The following MAPRE2 variants were observed in gnomAD, a reference collection of about 807,000 sequenced individuals.
The protein encoded by MAPRE2 is microtubule-associated protein RP/EB family member 2.
In MAPRE2, 13 loss-of-function variants were observed where a neutral mutation model predicts 43.2. The observed-to-expected ratio is 0.30, with a 90% CI of 0.20 to 0.48. MAPRE2 has a LOEUF of 0.48. Among genes scored for constraint, MAPRE2 ranks in the 20% least tolerant of loss-of-function variants. MAPRE2 has a pLI of 0.99. For synonymous variants in MAPRE2, 135 were observed against 148.8 expected, an observed-to-expected ratio of 0.91 and a Z score of 0.68; for missense variants, 161 against 400.2, an observed-to-expected ratio of 0.40 and a Z score of 5.10.
intron 2 of MAPRE2, among the ~76,000 whole-genome samples, chr18:35,084,786 A>G (rs1440050884): frequency 6.6e-6 from 1 of 152,206 alleles, no homozygotes; most frequent in East Asian, 1.9e-4. Flanking sequence ...GCTTCTGACA[A>G]TGTCAGGTAG....
intron 4 of MAPRE2, among the ~76,000 whole-genome samples, chr18:35,103,274 A>G (rs1396214982): frequency 1.3e-5 from 2 of 152,204 alleles, no homozygotes; most frequent in Non-Finnish European, 2.9e-5. Flanking sequence ...ATGAAGAGGA[A>G]TGAACAACTC....
At chr18:35,136,257 G>T (rs1420969465) in intron 6 of MAPRE2, among the ~76,000 whole-genome samples, 1 of 152,180 alleles carries the variant, frequency 6.6e-6, no homozygotes, top group South Asian at 2.1e-4. Flanking sequence ...GCTCCCTGTG[G>T]ATTCTGTCAG....
At chr18:35,076,828 A>C (rs1299984909) in intron 2 of MAPRE2, among the ~76,000 whole-genome samples, 2 of 152,188 alleles carry the variant, frequency 1.3e-5, no homozygotes, top group Non-Finnish European at 2.9e-5. Flanking sequence ...AATGCACCAG[A>C]TACTTTTAAA....
intron 1 of MAPRE2, among the ~76,000 whole-genome samples, chr18:34,986,176 TC>T (rs1263556114): frequency 6.6e-6 from 1 of 152,124 alleles, no homozygotes; most frequent in Non-Finnish European, 1.5e-5. Flanking sequence ...TTACTGCACA[TC>T]ATACATAAAA....
intron 2 of MAPRE2, chr18:35,005,566 T>A: frequency 6.7e-7 from 1 of 1,502,998 alleles, no homozygotes; most frequent in Non-Finnish European, 9.0e-7. Flanking sequence ...AAGGTTTATA[T>A]AAATTACGTT....
chr18:35,020,588 T>C (rs911336484), intron 2 of MAPRE2, among the ~76,000 whole-genome samples: 1 of 152,020 alleles, frequency 6.6e-6, no homozygotes, highest in African/African-American at 2.4e-5. Flanking sequence ...GCTTAGAACA[T>C]TTGTATACTG....
intron 2 of MAPRE2, among the ~76,000 whole-genome samples, chr18:35,024,997 T>G (rs1260431756): frequency 6.6e-6 from 1 of 152,242 alleles, no homozygotes; most frequent in Non-Finnish European, 1.5e-5. Flanking sequence ...CTGAAGTCTT[T>G]TTAGTGAAAT....
intron 1 of MAPRE2, among the ~76,000 whole-genome samples, chr18:34,989,282 G>C (rs535185570): frequency 6.6e-6 from 1 of 152,252 alleles, no homozygotes; most frequent in Non-Finnish European, 1.5e-5. Flanking sequence ...CTTAGCATTT[G>C]TAATGTTCCC....
At position 35,112,157 on chromosome 18, in the gene MAPRE2, C is replaced by T. The variant is rs868359266; in HGVS notation, c.610+9998C>T. On this transcript the variant is annotated intron_variant, in intron 4 of 6. Coordinates refer to ENST00000300249, the MANE Select transcript of MAPRE2 (RefSeq NM_014268.4). ...GTACTTCTCATTATTATGCAGAACA[C>T]TGTTTCTTTCTTTCTTTCCTTCCTT... is the stretch of plus-strand genomic sequence containing the variant. Among the ~76,000 whole-genome samples, 16 of 151,514 alleles carry T rather than the reference C, an allele frequency of 1.1e-4. No homozygotes were observed. In the South Asian group the frequency reaches 1.5e-3, roughly 14 times the overall value.
At chr18:35,124,948 A>G (rs1909843191) in intron 4 of MAPRE2, among the ~76,000 whole-genome samples, 1 of 152,194 alleles carries the variant, frequency 6.6e-6, no homozygotes, top group Non-Finnish European at 1.5e-5. Flanking sequence ...GCTGAAGCCC[A>G]TATACCAGTC....
intron 1 of MAPRE2, among the ~76,000 whole-genome samples, chr18:35,055,104 AAACG>A (rs1412402482): frequency 6.6e-6 from 1 of 152,240 alleles, no homozygotes; most frequent in African/African-American, 2.4e-5. Flanking sequence ...TGATTATTAC[AAACG>A]TTTATATGGA....
chr18:35,058,208 A>C (rs1425522506), intron 1 of MAPRE2, among the ~76,000 whole-genome samples: 1 of 152,202 alleles, frequency 6.6e-6, no homozygotes, highest in Non-Finnish European at 1.5e-5. Flanking sequence ...TGTCTTTTGG[A>C]GTCAGATTCA....
In MAPRE2 at chr18:35,142,355, C is replaced by T. The variant is rs1208787630; in HGVS notation, c.*1986C>T. On this transcript the variant is annotated 3_prime_UTR_variant, in exon 7 of 7. Coordinates refer to ENST00000300249, the MANE Select transcript of MAPRE2 (RefSeq NM_014268.4). Reference sequence around the variant, plus strand: ...TCTGCTCTGGACATCTCAGTCATACCCAATGCTCAGTGGATCATGACCAAA... The same window carrying T: ...TCTGCTCTGGACATCTCAGTCATACTCAATGCTCAGTGGATCATGACCAAA... 1 of 152,206 alleles carries T rather than the reference C, an allele frequency of 6.6e-6. No homozygotes were observed. The highest frequency in any genetic ancestry group is 2.4e-5 in the African/African-American group (1 of 41,432). 9.4% of individuals were successfully genotyped at this position (152,206 alleles called of 1,614,324 possible). A position where few individuals can be genotyped will look rare whatever the true frequency, so the allele number is the denominator to read the frequency against.
At chr18:35,105,833 G>A (rs945702603) in intron 4 of MAPRE2, among the ~76,000 whole-genome samples, 19 of 151,778 alleles carry the variant, frequency 1.3e-4, no homozygotes, top group Admixed American at 4.6e-4. Context: ...AAATCAAATC[G>A]TTCCATTGCC....
At chr18:35,062,684 T>C (rs1201065966) in intron 1 of MAPRE2, among the ~76,000 whole-genome samples, 1 of 152,172 alleles carries the variant, frequency 6.6e-6, no homozygotes, top group Admixed American at 6.5e-5. Context: ...TAGAAACACT[T>C]TGAAAGGATC....
chr18:35,074,777 C>T (rs1317977504), intron 2 of MAPRE2, among the ~76,000 whole-genome samples: 1 of 152,078 alleles, frequency 6.6e-6, no homozygotes, highest in African/African-American at 2.4e-5. Flanking sequence ...CACCCCTCCA[C>T]TAGCCGAGCA....
At chr18:34,985,266 T>TTATATAATATATTATA (rs2097019166) in intron 1 of MAPRE2, among the ~76,000 whole-genome samples, 2 of 39,914 alleles carry the variant, frequency 5.0e-5, no homozygotes, top group African/African-American at 2.0e-4. Context: ...ATATAATATA[T>TTATATAATATATTATA]TATATAATAT....
intron 2 of MAPRE2, among the ~76,000 whole-genome samples, chr18:35,034,458 C>A (rs535493926): frequency 6.6e-6 from 1 of 152,186 alleles, no homozygotes; most frequent in Admixed American, 6.5e-5. Flanking sequence ...TGGGCAAGGA[C>A]TTCATGTCTA....
intron 4 of MAPRE2, among the ~76,000 whole-genome samples, chr18:35,103,566 G>A (rs542429600): frequency 6.6e-5 from 10 of 152,104 alleles, no homozygotes; most frequent in Non-Finnish European, 1.0e-4. Context: ...AGGAGTTATA[G>A]GCTAAAGATA....
Sources: allele counts gnomAD v4.1 joint callset (sites outside exome capture counted in the v4.1 genomes callset), GRCh38; gene constraint gnomAD v4.1.1; transcripts MANE v1.5; gene names NCBI Gene and HGNC (gene_info 2026-07-23, HGNC 2026-07-21).